SEPHS1: variants seen among roughly 807,000 people sequenced by gnomAD.
SEPHS1 encodes the protein selenophosphate synthetase 1.
SEPHS1 carries 7 observed loss-of-function variants against 39.2 expected under a neutral mutation model. The observed-to-expected ratio is 0.18, with a 90% CI of 0.10 to 0.34. The LOEUF (loss-of-function observed/expected upper bound fraction) is 0.34, where lower values mean the gene tolerates loss of function less well. SEPHS1 is among the 10% of genes least tolerant of loss of function. The pLI, the probability that SEPHS1 is intolerant of heterozygous loss-of-function variation, is 1.00. For synonymous variants in SEPHS1, 190 were observed against 195.5 expected (o/e 0.97, Z 0.23); for missense variants, 253 against 514.5 (o/e 0.49, Z 4.92).
chr10:13,347,265 C>T (rs1382703940), intron 1 of SEPHS1: 1 of 151,944 alleles, frequency 6.6e-6, no homozygotes, highest in Non-Finnish European at 1.5e-5. Flanking sequence ...GCCCCGCCAA[C>T]CCCGGACCTA....
intron 2 of SEPHS1, 106 bp from the exon 3 acceptor site, chr10:13,338,914 A>G: frequency 2.4e-6 from 2 of 822,704 alleles, no homozygotes; most frequent in Non-Finnish European, 4.2e-6. Flanking sequence ...ACTTATGGAA[A>G]CTGCAGGCTG....
Position 13,333,135 on chromosome 10 carries a change from A to AT in SEPHS1, c.560+681dup, listed in dbSNP as rs552621122. On this transcript the variant is annotated intron_variant, in intron 5 of 8. Coordinates refer to ENST00000327347, the MANE Select transcript of SEPHS1 (RefSeq NM_012247.5). Reference sequence around the variant, plus strand: ...ACGCAAATTATATCTTAATACATCTATTTTTTTTTTTTTTTGAGATGGAGT... The same window carrying AT: ...ACGCAAATTATATCTTAATACATCTATTTTTTTTTTTTTTTTGAGATGGAGT... Among the ~76,000 whole-genome samples the AT allele has an allele frequency of 7.3e-3, 1,039 of 142,770 alleles. 12 individuals are homozygous for AT. Among genetic ancestry groups the AT allele is most frequent in the Admixed American group, 0.021 (290 of 14,128 alleles). The allele number at this position is 142,770 out of a possible 152,430, so 93.7% of individuals were successfully genotyped here. A position where few individuals can be genotyped will look rare whatever the true frequency, so the allele number is the denominator to read the frequency against.
chr10:13,341,019 TAAATA>T (rs989861002), intron 2 of SEPHS1, among the ~76,000 whole-genome samples: 1 of 152,266 alleles, frequency 6.6e-6, no homozygotes, highest in Non-Finnish European at 1.5e-5. Flanking sequence ...TATATTGTGT[TAAATA>T]AAATAGATTA....
intron 8 of SEPHS1, chr10:13,322,134 T>G (rs1018165776): frequency 7.8e-6 from 3 of 385,764 alleles, no homozygotes; most frequent in Non-Finnish European, 1.5e-5. Context: ...TTCTGTATCA[T>G]TCTCTTTTCT....
At chr10:13,326,341 G>C (rs1253391941) in intron 7 of SEPHS1, among the ~76,000 whole-genome samples, 1 of 152,062 alleles carries the variant, frequency 6.6e-6, no homozygotes, top group Non-Finnish European at 1.5e-5. Context: ...AGGCGTGGTG[G>C]CGGGCGCCTA....
chr10:13,342,851 T>C (rs1047932443), intron 2 of SEPHS1, among the ~76,000 whole-genome samples: 2 of 151,778 alleles, frequency 1.3e-5, no homozygotes, highest in African/African-American at 4.8e-5. Context: ...TCCTCCCACC[T>C]CAGCCTCCCG....
intron 3 of SEPHS1, among the ~76,000 whole-genome samples, chr10:13,337,340 A>C (rs894923683): frequency 1.3e-5 from 2 of 152,240 alleles, no homozygotes; most frequent in African/African-American, 4.8e-5. Flanking sequence ...AATACAATTC[A>C]ACAGAAATGT....
chr10:13,319,419 T>A, intron 8 of SEPHS1, 63 bp from the exon 9 acceptor site: 5 of 1,532,146 alleles, frequency 3.3e-6, no homozygotes, highest in South Asian at 1.2e-5. Flanking sequence ...CTGCCTCTGC[T>A]GCTTCTGCAG....
Position 13,333,884 on chromosome 10 carries a change from C to G in SEPHS1, c.493G>C (p.Val165Leu). ...AGTSVTGGQTVLNPWIVLGGV... is the reference protein window; with the variant it reads ...AGTSVTGGQTLLNPWIVLGGV... Reference sequence around the variant, plus strand: ...CCCAGGACAATCCAGGGGTTTAGTACTGTTTGGCCGCCTGTTACAGATGTT... The same window carrying G: ...CCCAGGACAATCCAGGGGTTTAGTAGTGTTTGGCCGCCTGTTACAGATGTT... The change falls in exon 5 of 9, where the codon GTA (valine) becomes CTA (leucine). Residue 165 changes from valine to leucine, a missense_variant. Transcript: ENST00000327347. 1 of 1,614,092 alleles carries G rather than the reference C, an allele frequency of 6.2e-7. No homozygotes were observed. Among genetic ancestry groups the G allele is most frequent in the Admixed American group, 1.7e-5 (1 of 60,006 alleles).
rs747037286 is a variant in SEPHS1, at chr10:13,333,952, G to A, written c.425C>T (p.Pro142Leu). The A allele has an allele frequency of 6.8e-6, 11 of 1,613,006 alleles. No individual in the cohort carries two copies. Among genetic ancestry groups the A allele is most frequent in the African/African-American group, 2.7e-5 (2 of 74,856 alleles). ...GTCTTTAAAACCTTGGATAATCAGA[G>A]GCATCACTTTATCCCTTTCCTAAGG... The part of the protein sequence containing the change: ...MTDRERDKVM[P>L]LIIQGFKDAA... Residue 142 changes from proline (P) to leucine (L), a missense_variant, in exon 5 of 9, where the codon CCT (proline) becomes CTT (leucine). Pro to Leu is a moderately conservative substitution (Grantham distance 98). This residue lies in a region of SEPHS1 where 123 missense variants were observed against 196.8 expected (regional missense o/e 0.62). Transcript: ENST00000327347.
intron 1 of SEPHS1, 83 bp from the exon 2 acceptor site, chr10:13,345,111 G>A (rs1429037518): frequency 1.1e-5 from 6 of 560,386 alleles, no homozygotes; most frequent in African/African-American, 9.6e-5. Flanking sequence ...ACATGACAGC[G>A]AAAAGTCAAT....
chr10:13,335,933 T>C (rs189272014), intron 4 of SEPHS1, among the ~76,000 whole-genome samples: 31 of 150,044 alleles, frequency 2.1e-4, no homozygotes, highest in African/African-American at 7.4e-4. Context: ...TGGACTGAGA[T>C]TGCGCCACTA....
chr10:13,342,886 C>T (rs1833836192), intron 2 of SEPHS1, among the ~76,000 whole-genome samples: 1 of 152,070 alleles, frequency 6.6e-6, no homozygotes, highest in Admixed American at 6.6e-5. Context: ...CAGGTGTACA[C>T]CAGCAAGCCC....
At chr10:13,335,074 A>G (rs1833586986) in intron 4 of SEPHS1, among the ~76,000 whole-genome samples, 1 of 152,248 alleles carries the variant, frequency 6.6e-6, no homozygotes, top group African/African-American at 2.4e-5. Context: ...TGGAAACTCA[A>G]GTTTCTCTAA....
chr10:13,347,092 A>C (rs192359764), intron 1 of SEPHS1, among the ~76,000 whole-genome samples: 667 of 152,120 alleles, frequency 4.4e-3, no homozygotes, highest in Non-Finnish European at 7.4e-3. Context: ...GTGCCCGGCG[A>C]CCCCGCAGCC....
At chr10:13,342,319 G>A (rs929485523) in intron 2 of SEPHS1, among the ~76,000 whole-genome samples, 2 of 151,074 alleles carry the variant, frequency 1.3e-5, no homozygotes, top group Non-Finnish European at 2.9e-5. Flanking sequence ...GGTGGCTCAC[G>A]CCTGTAATCC....
chr10:13,346,265 C>T (rs1408818947), intron 1 of SEPHS1, among the ~76,000 whole-genome samples: 1 of 152,194 alleles, frequency 6.6e-6, no homozygotes, highest in Non-Finnish European at 1.5e-5. Context: ...GTTTACAAAC[C>T]TCCAGACTGA....
chr10:13,329,174 A>G (rs1041675047), intron 6 of SEPHS1, among the ~76,000 whole-genome samples: 1 of 152,214 alleles, frequency 6.6e-6, no homozygotes, highest in Admixed American at 6.5e-5. Context: ...TGGAAAAATG[A>G]CTCACAAGAC....
Position 13,318,790 on chromosome 10 carries a change from C to A in SEPHS1, c.*352G>T. 4.6e-6 allele frequency: 1 copy of A among 216,068 alleles called. No individual in the cohort carries two copies. Among genetic ancestry groups the A allele is most frequent in the Non-Finnish European group, 9.0e-6 (1 of 111,300 alleles). 13.4% of individuals were successfully genotyped at this position (216,068 alleles called of 1,614,324 possible). A position where few individuals can be genotyped will look rare whatever the true frequency, so the allele number is the denominator to read the frequency against. On this transcript the variant is annotated 3_prime_UTR_variant, in exon 9 of 9. Transcript: ENST00000327347. The stretch of plus-strand genomic sequence containing the variant: ...ATAAATATACATAAAATGAAGACAC[C>A]AACTGCTATTTGACACGACTACGGG...
Sources: gnomAD v4.1 joint callset for allele counts (sites outside exome capture counted in the v4.1 genomes callset) on GRCh38, gnomAD v4.1.1 for gene constraint, gnomAD v4.1.1 regional missense constraint, MANE v1.5 for transcripts, NCBI Gene and HGNC (gene_info 2026-07-23, HGNC 2026-07-21) for gene names.